GRM7: variants seen among roughly 807,000 people sequenced by gnomAD.
GRM7 encodes the protein metabotropic glutamate receptor 7.
A neutral mutation model predicts 84.5 loss-of-function variants in GRM7; 35 were observed. That is an observed-to-expected ratio of 0.41 (90% CI 0.32 to 0.55). The LOEUF is 0.55. GRM7 is among the 20% of genes least tolerant of loss of function. The pLI, the probability that GRM7 is intolerant of heterozygous loss-of-function variation, is 0.19. For missense variants in GRM7, 1,003 were observed against 1,194.6 expected (o/e 0.84, Z 2.36); for synonymous variants, 487 against 455.1 (o/e 1.07, Z -0.89).
chr3:7,447,196 C>A (rs566614353), intron 5 of GRM7, among the ~76,000 whole-genome samples: 2 of 152,006 alleles, frequency 1.3e-5, no homozygotes, highest in African/African-American at 4.8e-5. Context: ...AAGGATGAAC[C>A]TCCTCCAAAT....
At chr3:7,049,129 A>T (rs1478623514) in intron 1 of GRM7, among the ~76,000 whole-genome samples, 1 of 152,028 alleles carries the variant, frequency 6.6e-6, no homozygotes, top group African/African-American at 2.4e-5. Flanking sequence ...GCAAATGTTT[A>T]TTGAGAGTTC....
intron 7 of GRM7, among the ~76,000 whole-genome samples, chr3:7,524,212 T>A (rs1700705679): frequency 6.6e-6 from 1 of 150,908 alleles, no homozygotes; most frequent in Admixed American, 6.6e-5. Context: ...GGGCAAGGAC[T>A]TCATGTCTAA....
chr3:7,449,846 G>C (rs1355366183), intron 5 of GRM7, among the ~76,000 whole-genome samples: 1 of 151,986 alleles, frequency 6.6e-6, no homozygotes, highest in Non-Finnish European at 1.5e-5. Flanking sequence ...AAAAATTATA[G>C]AGTACTAAGA....
chr3:7,330,532 C>G (rs556256252), intron 4 of GRM7, among the ~76,000 whole-genome samples: 2 of 152,236 alleles, frequency 1.3e-5, no homozygotes, highest in Non-Finnish European at 2.9e-5. Flanking sequence ...TGTGAGGGAC[C>G]TGGTGGGAGA....
chr3:7,648,304 A>C (rs541919395), intron 8 of GRM7, among the ~76,000 whole-genome samples: 1 of 151,940 alleles, frequency 6.6e-6, no homozygotes, highest in African/African-American at 2.4e-5. Context: ...GGGGAAGGAA[A>C]ATAAAAAACA....
rs1480857707 is a variant in GRM7 at position 7,594,774 on chromosome 3, T to C, written c.2451+15417T>C. ...GGCCTCTGCAAAAGCATCTGCAGGC[T>C]CTTCTTAAAGCTCAGGGCCCCCACA... On this transcript the variant is annotated intron_variant, in intron 8 of 9. Transcript: ENST00000357716. Among the ~76,000 whole-genome samples the C allele has an allele frequency of 3.3e-5, 5 of 152,174 alleles. No individual in the cohort carries two copies. In the South Asian group the frequency reaches 6.2e-4, roughly 19 times the overall value.
At chr3:7,570,881 A>C (rs1694621202) in intron 7 of GRM7, among the ~76,000 whole-genome samples, 1 of 152,176 alleles carries the variant, frequency 6.6e-6, no homozygotes, top group Non-Finnish European at 1.5e-5. Context: ...CATCCTCTGA[A>C]ATCCAGGCAG....
intron 1 of GRM7, among the ~76,000 whole-genome samples, chr3:7,112,359 G>C (rs1475861409): frequency 6.6e-6 from 1 of 151,872 alleles, no homozygotes; most frequent in Admixed American, 6.6e-5. Context: ...TGAGTAGCTG[G>C]GACTACAGGC....
intron 3 of GRM7, among the ~76,000 whole-genome samples, chr3:7,301,814 C>T (rs1430505461): frequency 1.3e-5 from 2 of 152,036 alleles, no homozygotes; most frequent in Admixed American, 6.6e-5. Context: ...GTACTGATAA[C>T]CCATAATGTT....
chr3:7,214,944 C>T (rs892885196), intron 2 of GRM7, among the ~76,000 whole-genome samples: 2 of 152,092 alleles, frequency 1.3e-5, no homozygotes, highest in South Asian at 2.1e-4. Context: ...ACCTAAAAAC[C>T]TCATTCACAA....
chr3:7,116,755 A>T lies in GRM7; in HGVS notation c.520-29697A>T, dbSNP rs532879338. Among the ~76,000 whole-genome samples, 5 of 152,230 alleles carry T rather than the reference A, an allele frequency of 3.3e-5. No homozygotes were observed. In the South Asian group the frequency reaches 8.3e-4, roughly 25 times the overall value. Reference sequence around the variant, plus strand: ...TCTATTTTATTTCTTCCTTTAAAAAATTTTGAGGTTTATTTTGTTGCAAAA... The same window carrying T: ...TCTATTTTATTTCTTCCTTTAAAAATTTTTGAGGTTTATTTTGTTGCAAAA... On this transcript the variant is annotated intron_variant, in intron 1 of 9. Transcript: ENST00000357716.
chr3:7,360,383 C>G (rs1173723975), intron 4 of GRM7, among the ~76,000 whole-genome samples: 1 of 125,110 alleles, frequency 8.0e-6, no homozygotes, highest in African/African-American at 3.5e-5. Context: ...AACGTATTCT[C>G]TAAGGAAATG....
intron 2 of GRM7, among the ~76,000 whole-genome samples, chr3:7,254,255 A>G (rs1482448317): frequency 6.6e-6 from 1 of 152,032 alleles, no homozygotes; most frequent in East Asian, 1.9e-4. Context: ...AAGTATGAAT[A>G]TTTTTTTCAA....
intron 2 of GRM7, among the ~76,000 whole-genome samples, chr3:7,182,414 C>CA (rs548525994): frequency 2.6e-5 from 4 of 151,942 alleles, no homozygotes; most frequent in Non-Finnish European, 5.9e-5. Context: ...ATTATTGCTT[C>CA]AAAAAAAATC....
chr3:7,525,018 A>G (rs1700736154), intron 7 of GRM7, among the ~76,000 whole-genome samples: 1 of 150,708 alleles, frequency 6.6e-6, no homozygotes, highest in African/African-American at 2.5e-5. Flanking sequence ...CACAAGAACA[A>G]AAAACCAAAC....
intron 1 of GRM7, among the ~76,000 whole-genome samples, chr3:7,083,028 T>C (rs1241687979): frequency 6.6e-6 from 1 of 152,178 alleles, no homozygotes; most frequent in African/African-American, 2.4e-5. Flanking sequence ...CGATTTAGAA[T>C]AGTGCATAAA....
intron 7 of GRM7, among the ~76,000 whole-genome samples, chr3:7,565,698 C>G (rs1694226334): frequency 1.3e-5 from 2 of 152,138 alleles, no homozygotes; most frequent in South Asian, 4.1e-4. Flanking sequence ...ATGATTAGAC[C>G]TGCACATTAA....
chr3:6,988,755 T>C (rs887093509), intron 1 of GRM7, among the ~76,000 whole-genome samples: 2 of 152,226 alleles, frequency 1.3e-5, no homozygotes, highest in African/African-American at 2.4e-5. Context: ...AGAATTTTCA[T>C]AAGAAGTATA....
At chr3:7,190,193 C>T (rs1178518362) in intron 2 of GRM7, among the ~76,000 whole-genome samples, 1 of 152,150 alleles carries the variant, frequency 6.6e-6, no homozygotes, top group Non-Finnish European at 1.5e-5. Flanking sequence ...AATATCCTCT[C>T]TCTGTGCTTT....
Sources: gnomAD v4.1 joint callset for allele counts (sites outside exome capture counted in the v4.1 genomes callset) on GRCh38, gnomAD v4.1.1 for gene constraint, MANE v1.5 for transcripts, NCBI Gene and HGNC (gene_info 2026-07-23, HGNC 2026-07-21) for gene names.